The following RALGAPA1 variants were observed in gnomAD, a reference collection of about 807,000 sequenced individuals.
RALGAPA1 encodes the protein ral GTPase-activating protein subunit alpha-1.
In RALGAPA1, 52 loss-of-function variants were observed where a neutral mutation model predicts 269.6. The observed-to-expected ratio is 0.19, with a 90% CI of 0.15 to 0.24. The LOEUF (loss-of-function observed/expected upper bound fraction) is 0.24. Among genes scored for constraint, RALGAPA1 ranks in the 10% least tolerant of loss-of-function variants. The pLI, the probability that RALGAPA1 is intolerant of heterozygous loss-of-function variation, is 1.00. For missense variants in RALGAPA1, 1,917 were observed against 3,013.9 expected (o/e 0.64, Z 8.52); for synonymous variants, 817 against 1,008.3 (o/e 0.81, Z 3.60).
At chr14:35,712,819 G>A (rs1340328804) in intron 16 of RALGAPA1, among the ~76,000 whole-genome samples, 1 of 152,150 alleles carries the variant, frequency 6.6e-6, no homozygotes, top group Non-Finnish European at 1.5e-5. Flanking sequence ...GATTACAGGC[G>A]TGAGTTAATG....
chr14:35,746,545 G>A (rs968005248), intron 10 of RALGAPA1, among the ~76,000 whole-genome samples: 1 of 151,848 alleles, frequency 6.6e-6, no homozygotes, highest in African/African-American at 2.4e-5. Context: ...TTTATTTGTC[G>A]GGTATACCTC....
intron 41 of RALGAPA1, among the ~76,000 whole-genome samples, chr14:35,548,102 A>G (rs910385842): frequency 6.6e-6 from 1 of 152,120 alleles, no homozygotes; most frequent in Non-Finnish European, 1.5e-5. Flanking sequence ...TCAGGTGCCT[A>G]GTGAAGTGCA....
intron 26 of RALGAPA1, among the ~76,000 whole-genome samples, chr14:35,669,358 G>A (rs1256326340): frequency 6.6e-6 from 1 of 152,074 alleles, no homozygotes; most frequent in Non-Finnish European, 1.5e-5. Context: ...GGGTTCAAGC[G>A]ATTCTCCTGT....
intron 35 of RALGAPA1, among the ~76,000 whole-genome samples, chr14:35,611,287 A>G (rs2059915084): frequency 6.6e-6 from 1 of 152,050 alleles, no homozygotes; most frequent in Non-Finnish European, 1.5e-5. Context: ...TGAGGTCAAG[A>G]GATAGAGGGG....
intron 16 of RALGAPA1, among the ~76,000 whole-genome samples, chr14:35,718,976 A>G (rs888998002): frequency 1.3e-5 from 2 of 151,870 alleles, no homozygotes; most frequent in African/African-American, 4.8e-5. Flanking sequence ...AGTAGCTGGC[A>G]CTACGGGCAT....
chr14:35,609,499 T>C (rs1020136673), intron 35 of RALGAPA1, among the ~76,000 whole-genome samples: 1 of 152,154 alleles, frequency 6.6e-6, no homozygotes, highest in Non-Finnish European at 1.5e-5. Flanking sequence ...AAATATGGCC[T>C]GTAAGTAAAG....
At chr14:35,542,142 A>C in intron 41 of RALGAPA1, 1 of 490,706 alleles carries the variant, frequency 2.0e-6, no homozygotes, top group Non-Finnish European at 3.3e-6. Context: ...TGTTATCCTA[A>C]TCACTCAGAC....
intron 15 of RALGAPA1, among the ~76,000 whole-genome samples, 183 bp downstream of exon 15, chr14:35,722,844 T>C (rs1220838360): frequency 6.6e-6 from 1 of 152,162 alleles, no homozygotes; most frequent in Non-Finnish European, 1.5e-5. Context: ...TTCTCAGTTC[T>C]AAGAAAAAAT....
intron 31 of RALGAPA1, among the ~76,000 whole-genome samples, chr14:35,645,034 CAA>C (rs1406444798): frequency 6.6e-6 from 1 of 152,148 alleles, no homozygotes; most frequent in East Asian, 1.9e-4. Flanking sequence ...GTGGCTTAAA[CAA>C]GAGAAATTTA....
chr14:35,612,254 C>T (rs2059981377), intron 35 of RALGAPA1, among the ~76,000 whole-genome samples: 1 of 151,422 alleles, frequency 6.6e-6, no homozygotes, highest in African/African-American at 2.4e-5. Flanking sequence ...GTCTGCAGTC[C>T]CAGCTACCTG....
intron 28 of RALGAPA1, among the ~76,000 whole-genome samples, chr14:35,657,639 C>T (rs1317626766): frequency 2.0e-5 from 3 of 150,916 alleles, no homozygotes; most frequent in South Asian, 2.1e-4. Context: ...TAGACAGCTA[C>T]GTTTTAGGCT....
chr14:35,667,142 C>T (rs1395265824), intron 26 of RALGAPA1, among the ~76,000 whole-genome samples: 1 of 152,104 alleles, frequency 6.6e-6, no homozygotes, highest in Non-Finnish European at 1.5e-5. Context: ...TGGCTCATGC[C>T]GGTAATTCCA....
At chr14:35,572,796 A>T in intron 37 of RALGAPA1, 78 bp from the exon 38 acceptor site, 1 of 1,053,524 alleles carries the variant, frequency 9.5e-7, no homozygotes, top group Non-Finnish European at 1.3e-6. Flanking sequence ...CAACATAAAA[A>T]GGGGAAAAAC....
chr14:35,614,794 G>A (rs924095757), intron 35 of RALGAPA1, among the ~76,000 whole-genome samples: 1 of 152,018 alleles, frequency 6.6e-6, no homozygotes, highest in African/African-American at 2.4e-5. Flanking sequence ...AAAACTCAGT[G>A]TTTTTGCTTC....
intron 31 of RALGAPA1, among the ~76,000 whole-genome samples, chr14:35,648,201 G>GCA (rs1290840165): frequency 6.6e-6 from 1 of 152,002 alleles, no homozygotes; most frequent in African/African-American, 2.4e-5. Flanking sequence ...GGAGGCTGAG[G>GCA]CAGAAGAATC....
At chr14:35,707,525 T>A (rs2067913218) in intron 16 of RALGAPA1, 1 of 152,204 alleles carries the variant, frequency 6.6e-6, no homozygotes, top group Non-Finnish European at 1.5e-5. Context: ...GGGTGTTGGA[T>A]TTTGCCAAAT....
At chr14:35,700,096 A>C in intron 17 of RALGAPA1, 66 bp downstream of exon 17, 1 of 1,412,996 alleles carries the variant, frequency 7.1e-7, no homozygotes, top group East Asian at 2.5e-5. Flanking sequence ...TTGATTAAGC[A>C]AAATTTGAAA....
At chr14:35,623,733 A>G (rs1260923035) in intron 35 of RALGAPA1, among the ~76,000 whole-genome samples, 1 of 152,220 alleles carries the variant, frequency 6.6e-6, no homozygotes, top group Non-Finnish European at 1.5e-5. Context: ...TCCTGCGGCA[A>G]GAAATTAAAA....
chr14:35,597,414 A>C (rs529667098), intron 36 of RALGAPA1, among the ~76,000 whole-genome samples: 1 of 152,164 alleles, frequency 6.6e-6, no homozygotes, highest in African/African-American at 2.4e-5. Context: ...CTTATTTTCA[A>C]GTCAATTCTC....
Sources: allele counts gnomAD v4.1 joint callset (sites outside exome capture counted in the v4.1 genomes callset), GRCh38; gene constraint gnomAD v4.1.1; transcripts MANE v1.5; gene names NCBI Gene and HGNC (gene_info 2026-07-23, HGNC 2026-07-21).